The following CRPPA variants were observed in gnomAD, a reference collection of about 807,000 sequenced individuals.
The protein encoded by CRPPA is CDP-L-ribitol pyrophosphorylase A.
Under a neutral mutation model 52.0 loss-of-function variants are expected in CRPPA, and 43 were observed. The ratio of observed to expected loss-of-function variants is 0.83; its 90% CI spans 0.65 to 1.07. The LOEUF is 1.07. Among genes scored for constraint, CRPPA ranks in the 50% least tolerant of loss-of-function variants. The pLI is 0.00. For missense variants in CRPPA, 629 were observed against 551.7 expected (o/e 1.14, Z -1.40); for synonymous variants, 250 against 203.5 (o/e 1.23, Z -1.94).
At chr7:16,398,898 CCAA>C (rs1483205064) in intron 2 of CRPPA, among the ~76,000 whole-genome samples, 8 of 152,200 alleles carry the variant, frequency 5.3e-5, no homozygotes, top group Admixed American at 2.6e-4. Flanking sequence ...CAGCACATGT[CCAA>C]CAAGTGACTG....
chr7:16,336,488 A>G (rs1785684049), intron 3 of CRPPA, among the ~76,000 whole-genome samples: 1 of 151,972 alleles, frequency 6.6e-6, no homozygotes, highest in African/African-American at 2.4e-5. Flanking sequence ...TTATAGCTGT[A>G]CAAAATATAA....
rs1441853190 is a variant in CRPPA at position 16,345,728 on chromosome 7, C to T, written c.684+30364G>A. Among the ~76,000 whole-genome samples the T allele has an allele frequency of 2.0e-5, 3 of 149,094 alleles. No homozygotes were observed. The East Asian group carries it at 6.1e-4, about 30-fold the overall frequency. On this transcript the variant is annotated intron_variant, in intron 3 of 9. Transcript: ENST00000407010. ...CTTGACCCTCAAGCTGTTAGTTTGG[C>T]AACTCTGCTAAAATGTCACTCTCAG...
chr7:16,268,700 A>G (rs1341181942), intron 6 of CRPPA, among the ~76,000 whole-genome samples: 1 of 152,188 alleles, frequency 6.6e-6, no homozygotes. Context: ...TTTCTAGACA[A>G]TATAGAAAAA....
At chr7:16,275,424 G>A (rs1195190104) in intron 6 of CRPPA, among the ~76,000 whole-genome samples, 2 of 152,142 alleles carry the variant, frequency 1.3e-5, no homozygotes, top group African/African-American at 4.8e-5. Flanking sequence ...ATGGACCAAG[G>A]GAGGTGCACT....
intron 2 of CRPPA, among the ~76,000 whole-genome samples, chr7:16,391,002 A>G (rs1787427882): frequency 6.6e-6 from 1 of 152,134 alleles, no homozygotes; most frequent in Admixed American, 6.6e-5. Flanking sequence ...TGACCACATG[A>G]AGTCCCATGA....
At chr7:16,122,407 T>A (rs181420852) in intron 9 of CRPPA, among the ~76,000 whole-genome samples, 1 of 151,918 alleles carries the variant, frequency 6.6e-6, no homozygotes, top group East Asian at 1.9e-4. Flanking sequence ...AATACTAAAC[T>A]TAGAAAAGAA....
At chr7:16,286,060 T>G (rs868809101) in intron 5 of CRPPA, among the ~76,000 whole-genome samples, 2 of 34,674 alleles carry the variant, frequency 5.8e-5, no homozygotes, top group Non-Finnish European at 9.8e-5. Flanking sequence ...TATATATATA[T>G]ATATATATAT....
chr7:16,232,945 T>A (rs1212484177), intron 8 of CRPPA, among the ~76,000 whole-genome samples: 1 of 152,150 alleles, frequency 6.6e-6, no homozygotes, highest in Admixed American at 6.6e-5. Context: ...AAAACTATGT[T>A]CCATTTGTTC....
intron 9 of CRPPA, among the ~76,000 whole-genome samples, chr7:16,180,125 A>G (rs749875593): frequency 7.9e-5 from 12 of 152,076 alleles, no homozygotes; most frequent in Non-Finnish European, 1.6e-4. Context: ...TACGATACAG[A>G]CAAGAGGTCC....
intron 2 of CRPPA, among the ~76,000 whole-genome samples, chr7:16,403,652 G>C (rs1210678093): frequency 3.9e-5 from 6 of 152,174 alleles, no homozygotes; most frequent in Non-Finnish European, 8.8e-5. Flanking sequence ...GTGTGTGACT[G>C]CATTTATGTT....
intron 9 of CRPPA, among the ~76,000 whole-genome samples, chr7:16,187,870 A>G (rs764171832): frequency 6.6e-6 from 1 of 152,032 alleles, no homozygotes; most frequent in African/African-American, 2.4e-5. Flanking sequence ...GAGTCTAGAG[A>G]TTTGTGTGGT....
At chr7:16,273,476 C>T (rs1056075939) in intron 6 of CRPPA, among the ~76,000 whole-genome samples, 9 of 151,906 alleles carry the variant, frequency 5.9e-5, no homozygotes, top group Admixed American at 1.3e-4. Flanking sequence ...GACGGCTTGA[C>T]GGTAGGACCA....
chr7:16,176,489 T>C (rs900898930), intron 9 of CRPPA, among the ~76,000 whole-genome samples: 5 of 152,126 alleles, frequency 3.3e-5, no homozygotes, highest in African/African-American at 4.8e-5. Flanking sequence ...TACACACCTA[T>C]GAGAATGGCT....
chr7:16,338,662 G>A (rs68121056), intron 3 of CRPPA, among the ~76,000 whole-genome samples: 34,523 of 151,982 alleles, frequency 0.23, 4,313 homozygotes, highest in Non-Finnish European at 0.3. Context: ...ATAACCTATA[G>A]GAAATGTACC....
chr7:16,183,300 C>T (rs1781446894), intron 9 of CRPPA, among the ~76,000 whole-genome samples: 1 of 152,172 alleles, frequency 6.6e-6, no homozygotes, highest in Non-Finnish European at 1.5e-5. Context: ...TGGGAAAAGA[C>T]CATGTTCCTG....
chr7:16,361,058 A>C (rs1786430529), intron 3 of CRPPA, among the ~76,000 whole-genome samples: 1 of 152,226 alleles, frequency 6.6e-6, no homozygotes, highest in South Asian at 2.1e-4. Flanking sequence ...GGAATTGAAT[A>C]GTCATTTCTC....
At chr7:16,283,227 AATAG>A (rs990786978) in intron 5 of CRPPA, among the ~76,000 whole-genome samples, 3 of 150,754 alleles carry the variant, frequency 2.0e-5, no homozygotes, top group East Asian at 3.9e-4. Context: ...TATATGTATA[AATAG>A]ATAGGATCTA....
intron 3 of CRPPA, among the ~76,000 whole-genome samples, chr7:16,356,559 C>T (rs985428584): frequency 5.3e-5 from 8 of 152,148 alleles, no homozygotes; most frequent in African/African-American, 1.7e-4. Context: ...CTACTTTGTT[C>T]TCTTTGAACG....
chr7:16,175,791 A>C (rs1056427895), intron 9 of CRPPA, among the ~76,000 whole-genome samples: 2 of 152,214 alleles, frequency 1.3e-5, no homozygotes, highest in Non-Finnish European at 2.9e-5. Flanking sequence ...AAAAGGAAAG[A>C]TAAATTGTGC....
Sources: gnomAD v4.1 joint callset for allele counts (sites outside exome capture counted in the v4.1 genomes callset) on GRCh38, gnomAD v4.1.1 for gene constraint, MANE v1.5 for transcripts, NCBI Gene and HGNC (gene_info 2026-07-23, HGNC 2026-07-21) for gene names.